The following LRRC7 variants were observed in gnomAD, a reference collection of about 807,000 sequenced individuals.
The protein encoded by LRRC7 is leucine rich repeat containing 7.
A neutral mutation model predicts 175.7 loss-of-function variants in LRRC7; 23 were observed. The observed-to-expected ratio is 0.13, with a 90% confidence interval of 0.09 to 0.19. The LOEUF (loss-of-function observed/expected upper bound fraction) is 0.19. LRRC7 is among the 10% of genes least tolerant of loss of function. The probability of loss-of-function intolerance (pLI) is 1.00; values close to 1 mark genes in which losing one functional copy is unlikely to be tolerated. For synonymous variants in LRRC7, 685 were observed against 680.9 expected (o/e 1.01, Z -0.09); for missense variants, 1,354 against 1,904.7 (o/e 0.71, Z 5.38).
At chr1:69,933,655 A>C (rs1015976697) in intron 8 of LRRC7, among the ~76,000 whole-genome samples, 1 of 152,166 alleles carries the variant, frequency 6.6e-6, no homozygotes, top group Non-Finnish European at 1.5e-5. Context: ...ACAAATATTC[A>C]GTATGTTAAA....
chr1:70,093,366 G>A (rs968821614), intron 25 of LRRC7, among the ~76,000 whole-genome samples: 6 of 152,058 alleles, frequency 3.9e-5, no homozygotes, highest in Non-Finnish European at 7.4e-5. Context: ...TGTTAGTTGA[G>A]TAGTATTATT....
At chr1:69,626,816 A>G (rs181924161) in intron 1 of LRRC7, among the ~76,000 whole-genome samples, 19 of 149,954 alleles carry the variant, frequency 1.3e-4, no homozygotes, top group African/African-American at 4.4e-4. Flanking sequence ...GAGTGAGAAC[A>G]TGCGGTGTTT....
rs12401791 is a variant in LRRC7, at chr1:69,713,213, C to T, written c.100+34735C>T. On this transcript the variant is annotated intron_variant, in intron 2 of 26. Transcript: ENST00000651989. The stretch of plus-strand genomic sequence containing the variant: ...GAAGAACTTATTTTAAGGCCAGGCA[C>T]GGTGGTTCATACCTGTAATCCCAGC... Among the ~76,000 whole-genome samples the T allele has an allele frequency of 7.7e-3, 1,173 of 152,104 alleles. 40 individuals carry two copies. Among genetic ancestry groups the T allele is most frequent in the Admixed American group, 0.063 (959 of 15,254 alleles).
chr1:69,899,479 C>T (rs1005087269), intron 7 of LRRC7, among the ~76,000 whole-genome samples: 4 of 152,180 alleles, frequency 2.6e-5, no homozygotes, highest in African/African-American at 9.7e-5. Context: ...TCCAACTATT[C>T]CATATCACTG....
chr1:69,899,068 A>G (rs1646060381), intron 7 of LRRC7, among the ~76,000 whole-genome samples: 1 of 152,094 alleles, frequency 6.6e-6, no homozygotes, highest in African/African-American at 2.4e-5. Context: ...GCTATTGGAG[A>G]TTTTAGTATT....
chr1:69,592,327 A>G (rs1646669850), intron 1 of LRRC7, among the ~76,000 whole-genome samples: 1 of 152,088 alleles, frequency 6.6e-6, no homozygotes, highest in South Asian at 2.1e-4. Flanking sequence ...ATTGCCTAAA[A>G]TGGATCTGCC....
chr1:69,870,009 G>A (rs1685355681), intron 7 of LRRC7, among the ~76,000 whole-genome samples: 1 of 152,126 alleles, frequency 6.6e-6, no homozygotes, highest in Non-Finnish European at 1.5e-5. Flanking sequence ...TCTTGCCTAA[G>A]TTCAGCCTGA....
chr1:70,039,917 A>G, intron 21 of LRRC7, 124 bp downstream of exon 21: 3 of 1,254,676 alleles, frequency 2.4e-6, no homozygotes, highest in Admixed American at 5.1e-5. Flanking sequence ...TATTTTATTT[A>G]TCTTTATATT....
At chr1:70,095,489 C>G (rs1664320523) in intron 25 of LRRC7, among the ~76,000 whole-genome samples, 1 of 152,112 alleles carries the variant, frequency 6.6e-6, no homozygotes, top group South Asian at 2.1e-4. Context: ...AAGATCTATT[C>G]AGAAACATTG....
chr1:69,764,188 C>T lies in LRRC7; in HGVS notation c.303+3795C>T, dbSNP rs190477518. ...CCTTTCACACAGTGATAGAAATCCA[C>T]GCAGCTTATAATTTAGTACTGTTTT... On this transcript the variant is annotated intron_variant, in intron 3 of 26. Coordinates refer to ENST00000651989, the MANE Select transcript of LRRC7 (RefSeq NM_001370785.2). Among the ~76,000 whole-genome samples, 37 of 151,834 alleles carry T rather than the reference C, an allele frequency of 2.4e-4. No homozygotes were observed. The East Asian group carries it at 3.3e-3, about 14-fold the overall frequency.
At chr1:69,744,337 G>T (rs757317872) in intron 2 of LRRC7, among the ~76,000 whole-genome samples, 1 of 151,800 alleles carries the variant, frequency 6.6e-6, no homozygotes, top group African/African-American at 2.4e-5. Context: ...TAAAGACTGA[G>T]TAGGTGGTGC....
intron 4 of LRRC7, among the ~76,000 whole-genome samples, chr1:69,801,442 C>A (rs562712353): frequency 6.6e-6 from 1 of 151,542 alleles, no homozygotes; most frequent in Non-Finnish European, 1.5e-5. Flanking sequence ...GTTCAATATT[C>A]GGAGGTTGTA....
Position 70,021,089 on chromosome 1 carries a change from A to G in LRRC7, c.1505A>G (p.Glu502Gly). ...CGCATGACTGTTGCCTTTGAATTTG[A>G]AGACAAAAAAGAAGATGACGAAAAT... ...QQRMTVAFEF[E>G]DKKEDDENAG... Residue 502 changes from glutamate (E) to glycine (G), a missense_variant, in exon 16 of 27, where the codon GAA becomes GGA. Around this residue, in one of 4 missense-constraint regions of LRRC7, gnomAD observed 1,032 missense variants for 1,227.2 expected, o/e 0.84. Transcript: ENST00000651989. 6.2e-7 allele frequency: 1 copy of G among 1,612,640 alleles called. No individual in the cohort carries two copies. The highest frequency in any genetic ancestry group is 8.5e-7 in the Non-Finnish European group (1 of 1,178,916).
At chr1:69,675,849 C>T (rs1659692227) in intron 1 of LRRC7, among the ~76,000 whole-genome samples, 1 of 151,984 alleles carries the variant, frequency 6.6e-6, no homozygotes, top group African/African-American at 2.4e-5. Flanking sequence ...TTCAAGTTTC[C>T]ACTTGGTTTC....
At chr1:69,976,159 G>C (rs1290127633) in intron 8 of LRRC7, among the ~76,000 whole-genome samples, 1 of 152,116 alleles carries the variant, frequency 6.6e-6, no homozygotes, top group Non-Finnish European at 1.5e-5. Flanking sequence ...AGAACTAATA[G>C]GATAGATAGA....
At chr1:69,795,471 A>C (rs142103953) in intron 4 of LRRC7, among the ~76,000 whole-genome samples, 1 of 152,324 alleles carries the variant, frequency 6.6e-6, no homozygotes, top group African/African-American at 2.4e-5. Context: ...CAAGTGAAGA[A>C]AGAGTAGATA....
intron 9 of LRRC7, among the ~76,000 whole-genome samples, chr1:69,983,930 A>G (rs1653683026): frequency 1.3e-5 from 2 of 151,774 alleles, no homozygotes; most frequent in South Asian, 4.2e-4. Flanking sequence ...GTCTGACATT[A>G]TACTTTTTTT....
chr1:69,813,384 T>C (rs1009023006), intron 4 of LRRC7, among the ~76,000 whole-genome samples: 4 of 152,116 alleles, frequency 2.6e-5, no homozygotes, highest in Non-Finnish European at 5.9e-5. Flanking sequence ...AAGTGCAGTC[T>C]TGAGGCTTAC....
intron 11 of LRRC7, among the ~76,000 whole-genome samples, chr1:70,009,703 A>G (rs1352284892): frequency 6.6e-6 from 1 of 152,194 alleles, no homozygotes; most frequent in African/African-American, 2.4e-5. Flanking sequence ...TGATTTGTCA[A>G]TATAAAAGGA....
Sources: allele counts gnomAD v4.1 joint callset (sites outside exome capture counted in the v4.1 genomes callset), GRCh38; gene constraint gnomAD v4.1.1; regional missense constraint gnomAD v4.1.1; transcripts MANE v1.5; gene names NCBI Gene and HGNC (gene_info 2026-07-23, HGNC 2026-07-21).